SNTG1: variants seen among roughly 807,000 people sequenced by gnomAD.
SNTG1 encodes gamma-1-syntrophin.
A neutral mutation model predicts 74.7 loss-of-function variants in SNTG1; 39 were observed. That is an observed-to-expected ratio of 0.52 (90% CI 0.40 to 0.68). The LOEUF is 0.68. SNTG1 is among the 30% of genes least tolerant of loss of function. SNTG1 has a pLI of 0.00. For missense variants in SNTG1, 685 were observed against 609.5 expected (o/e 1.12, Z -1.30); for synonymous variants, 254 against 217.1 (o/e 1.17, Z -1.49).
At chr8:50,784,775 C>T (rs1360104621) in intron 18 of SNTG1, among the ~76,000 whole-genome samples, 1 of 152,136 alleles carries the variant, frequency 6.6e-6, no homozygotes, top group Non-Finnish European at 1.5e-5. Flanking sequence ...CTACAATACA[C>T]TAATATCTAA....
At chr8:50,689,458 GC>G (rs1042861870) in intron 15 of SNTG1, among the ~76,000 whole-genome samples, 21 of 152,174 alleles carry the variant, frequency 1.4e-4, no homozygotes, top group South Asian at 8.3e-4. Flanking sequence ...TTAGCATGAA[GC>G]GTTGTTGAAT....
At chr8:50,097,660 A>C (rs1490588479) in intron 1 of SNTG1, among the ~76,000 whole-genome samples, 1 of 152,146 alleles carries the variant, frequency 6.6e-6, no homozygotes, top group African/African-American at 2.4e-5. Flanking sequence ...TCAAAAAAAA[A>C]AACAAAAAAC....
At chr8:50,765,011 C>T (rs1253538419) in intron 18 of SNTG1, among the ~76,000 whole-genome samples, 1 of 151,852 alleles carries the variant, frequency 6.6e-6, no homozygotes, top group African/African-American at 2.4e-5. Flanking sequence ...GTAAAGTCAG[C>T]CAGACACAGA....
intron 18 of SNTG1, among the ~76,000 whole-genome samples, chr8:50,772,632 G>A (rs796855008): frequency 4.6e-5 from 7 of 152,204 alleles, no homozygotes; most frequent in African/African-American, 9.6e-5. Context: ...AGAAGAACAT[G>A]AGTTTTATGG....
At chr8:50,529,609 C>G (rs76671326) in intron 9 of SNTG1, among the ~76,000 whole-genome samples, 1 of 151,954 alleles carries the variant, frequency 6.6e-6, no homozygotes, top group Non-Finnish European at 1.5e-5. Flanking sequence ...AGGCATTACT[C>G]ATCTTTAAAA....
chr8:50,498,193 C>T lies in SNTG1; in HGVS notation c.364-4585C>T, dbSNP rs1585469295. 2.0e-5 allele frequency among the ~76,000 whole-genome samples: 3 copies of T among 151,832 alleles called. No homozygotes were observed. In the East Asian group the frequency reaches 5.8e-4, roughly 29 times the overall value. ...TTTTATGAAATTGCTAAATTATTTT[C>T]CAAAATCATTGTGACATTTTCAGTT... On this transcript the variant is annotated intron_variant, in intron 8 of 18. Coordinates refer to ENST00000642720, the MANE Select transcript of SNTG1 (RefSeq NM_018967.5).
chr8:50,489,696 T>G (rs2093832984), intron 8 of SNTG1, among the ~76,000 whole-genome samples: 1 of 152,204 alleles, frequency 6.6e-6, no homozygotes. Flanking sequence ...ATGGATAGAT[T>G]GCAAAAATTT....
intron 18 of SNTG1, among the ~76,000 whole-genome samples, chr8:50,778,492 A>T (rs1277192191): frequency 6.6e-6 from 1 of 151,880 alleles, no homozygotes; most frequent in Non-Finnish European, 1.5e-5. Flanking sequence ...TTGGCTGCAT[A>T]AATGTCTTCT....
intron 10 of SNTG1, among the ~76,000 whole-genome samples, chr8:50,534,973 C>T (rs1223249446): frequency 2.0e-5 from 3 of 151,838 alleles, no homozygotes; most frequent in East Asian, 3.9e-4. Context: ...AATAATTTTG[C>T]CCCTTATTTC....
At chr8:50,790,071 C>A (rs1329021177) in intron 18 of SNTG1, among the ~76,000 whole-genome samples, 1 of 151,958 alleles carries the variant, frequency 6.6e-6, no homozygotes, top group Non-Finnish European at 1.5e-5. Flanking sequence ...GTTCCATATA[C>A]AAGGCAACAT....
intron 13 of SNTG1, among the ~76,000 whole-genome samples, chr8:50,652,539 G>A (rs1027338023): frequency 7.2e-5 from 11 of 152,244 alleles, no homozygotes; most frequent in African/African-American, 2.6e-4. Context: ...GCTCAAACCT[G>A]TAATCTTACC....
intron 2 of SNTG1, among the ~76,000 whole-genome samples, chr8:50,254,861 A>AC (rs35996723): frequency 6.6e-6 from 1 of 151,338 alleles, no homozygotes; most frequent in African/African-American, 2.4e-5. Flanking sequence ...AAGAAAAAAA[A>AC]AAAAAAGAAA....
chr8:50,106,389 T>G (rs888386923), intron 1 of SNTG1, among the ~76,000 whole-genome samples: 2 of 152,128 alleles, frequency 1.3e-5, no homozygotes, highest in Admixed American at 1.3e-4. Context: ...AAATTGGGAA[T>G]TATAATTCAA....
chr8:50,219,327 C>A (rs1329586784), intron 2 of SNTG1, among the ~76,000 whole-genome samples: 1 of 152,104 alleles, frequency 6.6e-6, no homozygotes, highest in African/African-American at 2.4e-5. Flanking sequence ...TCCCACAGAT[C>A]AAATTTTATT....
At chr8:50,142,840 G>A (rs556546348) in intron 1 of SNTG1, among the ~76,000 whole-genome samples, 16 of 152,274 alleles carry the variant, frequency 1.1e-4, no homozygotes, top group African/African-American at 3.4e-4. Context: ...GGGAGGCCAA[G>A]GCGGGTGGAT....
chr8:50,375,850 G>A (rs556701619), intron 2 of SNTG1, among the ~76,000 whole-genome samples: 5 of 152,294 alleles, frequency 3.3e-5, no homozygotes, highest in South Asian at 4.1e-4. Flanking sequence ...GAGTAGCTCT[G>A]CAAGGGGAGA....
chr8:50,284,649 T>C (rs1775644011), intron 2 of SNTG1, among the ~76,000 whole-genome samples: 1 of 152,190 alleles, frequency 6.6e-6, no homozygotes, highest in Admixed American at 6.5e-5. Flanking sequence ...GAGTCATTGT[T>C]CTTTTTACAG....
At chr8:50,120,032 G>A (rs2080944699) in intron 1 of SNTG1, among the ~76,000 whole-genome samples, 1 of 141,654 alleles carries the variant, frequency 7.1e-6, no homozygotes, top group African/African-American at 2.6e-5. Flanking sequence ...AGATGAAGAT[G>A]AAACCAGTCT....
intron 1 of SNTG1, among the ~76,000 whole-genome samples, chr8:49,968,430 T>C (rs1811347769): frequency 6.6e-6 from 1 of 151,902 alleles, no homozygotes; most frequent in Non-Finnish European, 1.5e-5. Context: ...ATTTTACCCA[T>C]TAGGTTGGCA....
Sources: gnomAD v4.1 joint callset for allele counts (sites outside exome capture counted in the v4.1 genomes callset) on GRCh38, gnomAD v4.1.1 for gene constraint, MANE v1.5 for transcripts, NCBI Gene and HGNC (gene_info 2026-07-23, HGNC 2026-07-21) for gene names.